Variants in EYA1 observed in about 807,000 individuals in gnomAD.
EYA1 encodes the protein protein phosphatase EYA1.
Under a neutral mutation model 82.0 loss-of-function variants are expected in EYA1, and 16 were observed. The observed-to-expected ratio is 0.20, with a 90% CI of 0.13 to 0.30. The LOEUF is 0.30. EYA1 is among the 10% of genes least tolerant of loss of function. The pLI is 1.00. For missense variants in EYA1, 633 were observed against 730.7 expected (o/e 0.87, Z 1.54); for synonymous variants, 261 against 264.4 (o/e 0.99, Z 0.12).
At chr8:71,470,221 G>A (rs79046382) in intron 2 of EYA1, among the ~76,000 whole-genome samples, 2,700 of 152,110 alleles carry the variant, frequency 0.018, 54 homozygotes, top group African/African-American at 0.062. Flanking sequence ...TTGCTTTCCA[G>A]TAGGATTTTA....
chr8:71,394,045 T>C (rs937734168), intron 2 of EYA1, among the ~76,000 whole-genome samples: 2 of 152,242 alleles, frequency 1.3e-5, no homozygotes, highest in African/African-American at 2.4e-5. Flanking sequence ...TGGCCACTGA[T>C]GATGAGCATT....
chr8:71,371,346 C>G (rs374342816), intron 2 of EYA1, among the ~76,000 whole-genome samples: 1 of 152,192 alleles, frequency 6.6e-6, no homozygotes, highest in Non-Finnish European at 1.5e-5. Context: ...AACTTTTCCT[C>G]ATTAGGGTTC....
chr8:71,283,963 T>C (rs909173689), intron 9 of EYA1, among the ~76,000 whole-genome samples: 2 of 152,248 alleles, frequency 1.3e-5, no homozygotes, highest in African/African-American at 4.8e-5. Context: ...AGCTAGGCTG[T>C]ACCAATATCA....
At chr8:71,232,679 TTTTC>T (rs906705165) in intron 12 of EYA1, among the ~76,000 whole-genome samples, 15 of 150,946 alleles carry the variant, frequency 9.9e-5, no homozygotes, top group African/African-American at 3.2e-4. Flanking sequence ...TTCTTTTTTC[TTTTC>T]TTTTTTTTTT....
rs182608923 is a variant in EYA1 at position 71,423,681 on chromosome 8, T to C, written c.34-67170A>G. On this transcript the variant is annotated intron_variant, in intron 2 of 18. Coordinates refer to the EYA1 transcript ENST00000643681. ...TCTTTAATTAATTTCATTTAATGTG[T>C]TTCAAATATACAATACCACTATTTA... Among the ~76,000 whole-genome samples, 50 of 152,336 alleles carry C rather than the reference T, an allele frequency of 3.3e-4. 1 individual carries two copies. In the East Asian group the frequency reaches 9.0e-3, roughly 28 times the overall value.
At chr8:71,438,998 T>G (rs1454248498) in intron 2 of EYA1, among the ~76,000 whole-genome samples, 1 of 151,916 alleles carries the variant, frequency 6.6e-6, no homozygotes, top group Non-Finnish European at 1.5e-5. Flanking sequence ...CACCAGAACT[T>G]GAGCAGCCAG....
chr8:71,363,112 A>G (rs1827532615), upstream of EYA1, among the ~76,000 whole-genome samples: 1 of 152,104 alleles, frequency 6.6e-6, no homozygotes, highest in Admixed American at 6.6e-5. Context: ...CACCCATAGA[A>G]TACTATTCTG....
At position 71,381,179 on chromosome 8, in the gene EYA1, G is replaced by A. The variant is rs546462447; in HGVS notation, c.34-24668C>T. On this transcript the variant is annotated intron_variant, in intron 2 of 18. Coordinates refer to the EYA1 transcript ENST00000643681. ...TTCACTCTGGCCTGGGGTCACACGT[G>A]GCCCTAAACTGCCAGTGGCACCAGG... Among the ~76,000 whole-genome samples the A allele has an allele frequency of 5.3e-5, 8 of 152,340 alleles. No homozygotes were observed. In the South Asian group the frequency reaches 1.7e-3, roughly 32 times the overall value.
At chr8:71,368,832 C>G (rs532679923) in intron 2 of EYA1, among the ~76,000 whole-genome samples, 2 of 152,000 alleles carry the variant, frequency 1.3e-5, no homozygotes, top group East Asian at 3.9e-4. Context: ...CAAAATTATG[C>G]CTATTATCAA....
intron 4 of EYA1, 148 bp downstream of exon 4, chr8:71,333,949 G>A (rs1252271004): frequency 6.2e-6 from 4 of 644,768 alleles, no homozygotes; most frequent in Non-Finnish European, 1.1e-5. Context: ...TCTGAGCAAA[G>A]CTATTTTATA....
intron 6 of EYA1, 37 bp from the exon 7 acceptor site, chr8:71,317,726 T>C (rs753239646): frequency 6.2e-7 from 1 of 1,608,286 alleles, no homozygotes; most frequent in Non-Finnish European, 8.5e-7. Flanking sequence ...ATCTGTCCAT[T>C]TTCAAAAGCT....
intron 4 of EYA1, among the ~76,000 whole-genome samples, chr8:71,329,541 C>A (rs1160646663): frequency 6.6e-6 from 1 of 152,206 alleles, no homozygotes; most frequent in Non-Finnish European, 1.5e-5. Context: ...ACTTCCCCAG[C>A]ATCCACTACA....
At chr8:71,327,478 T>C (rs1216942230) in intron 4 of EYA1, among the ~76,000 whole-genome samples, 3 of 152,232 alleles carry the variant, frequency 2.0e-5, no homozygotes, top group African/African-American at 7.2e-5. Context: ...AACACTTTGT[T>C]TGCAATCCCT....
intron 6 of EYA1, 41 bp downstream of exon 6, chr8:71,321,693 C>A: frequency 6.2e-7 from 1 of 1,608,938 alleles, no homozygotes; most frequent in Non-Finnish European, 8.5e-7. Context: ...TACACGCATG[C>A]CCATGCGATA....
Position 71,322,238 on chromosome 8 carries a change from G to T in EYA1, c.233C>A (p.Pro78Gln). The part of the protein sequence containing the change: ...AIGSSSFSPR[P>Q]THQFSPPQIY... ...CTGTGGTGGAGAGAACTGGTGAGTT[G>T]GTCGTGGGCTGAAACTACTGCTCCC... Residue 78 changes from proline (P) to glutamine (Q), a missense_variant, in exon 5 of 18, where the codon CCA (proline) becomes CAA (glutamine). Coordinates refer to ENST00000340726, the MANE Select transcript of EYA1 (RefSeq NM_000503.6). 6.2e-7 allele frequency: 1 copy of T among 1,613,994 alleles called. No homozygotes were observed. The highest frequency in any genetic ancestry group is 8.5e-7 in the Non-Finnish European group (1 of 1,179,930).
Position 71,515,809 on chromosome 8 carries a change from C to A in EYA1, c.33+19935G>T, listed in dbSNP as rs552239193. 5.9e-5 allele frequency among the ~76,000 whole-genome samples: 9 copies of A among 152,192 alleles called. No individual in the cohort carries two copies. In the South Asian group the frequency reaches 1.7e-3, roughly 28 times the overall value. On this transcript the variant is annotated intron_variant, in intron 2 of 18. Transcript: ENST00000643681. ...TATATTCTAAATAATCCCAACAAGACCTTTTGCAATTCAAACTTTCTTTTG... is the reference window on the plus strand; with the variant it reads ...TATATTCTAAATAATCCCAACAAGAACTTTTGCAATTCAAACTTTCTTTTG...
At chr8:71,224,441 A>C (rs1351736933) in intron 12 of EYA1, among the ~76,000 whole-genome samples, 2 of 152,210 alleles carry the variant, frequency 1.3e-5, no homozygotes, top group African/African-American at 4.8e-5. Context: ...AGAGGAAGTG[A>C]TCATTGGGTT....
chr8:71,472,948 T>C (rs1809345619), intron 2 of EYA1, among the ~76,000 whole-genome samples: 1 of 151,690 alleles, frequency 6.6e-6, no homozygotes, highest in Admixed American at 6.6e-5. Context: ...AAACAAATAG[T>C]ATAAAGCAAT....
intron 2 of EYA1, among the ~76,000 whole-genome samples, chr8:71,488,163 CATCAATGATAT>C (rs1810710044): frequency 6.6e-6 from 1 of 151,398 alleles, no homozygotes. Context: ...ATCAATGATA[CATCAATGATAT>C]ACATCAAATA....
Sources: gnomAD v4.1 joint callset for allele counts (sites outside exome capture counted in the v4.1 genomes callset) on GRCh38, gnomAD v4.1.1 for gene constraint, MANE v1.5 for transcripts, NCBI Gene and HGNC (gene_info 2026-07-23, HGNC 2026-07-21) for gene names.